Variants in FAM169A observed in about 807,000 individuals in gnomAD.
The protein encoded by FAM169A is soluble lamin-associated protein of 75 kDa.
Under a neutral mutation model 75.7 loss-of-function variants are expected in FAM169A, and 24 were observed. That is an observed-to-expected ratio of 0.32 (90% CI 0.23 to 0.45). The LOEUF (loss-of-function observed/expected upper bound fraction) is 0.45. Ranked by LOEUF, FAM169A falls within the 20% of genes least tolerant of loss-of-function variation. The pLI is 1.00. For synonymous variants in FAM169A, 271 were observed against 271.0 expected (o/e 1.00, Z 0.00); for missense variants, 673 against 784.0 (o/e 0.86, Z 1.69).
At chr5:74,787,766 CTAAT>C (rs575355852) in intron 11 of FAM169A, among the ~76,000 whole-genome samples, 1 of 152,058 alleles carries the variant, frequency 6.6e-6, no homozygotes, top group Non-Finnish European at 1.5e-5. Flanking sequence ...TTTGCACTGG[CTAAT>C]TAATCACAGT....
chr5:74,793,352 A>C (rs1746078237), intron 11 of FAM169A, among the ~76,000 whole-genome samples: 1 of 151,746 alleles, frequency 6.6e-6, no homozygotes, highest in South Asian at 2.1e-4. Context: ...AGTGGTATAT[A>C]TAGACCATGG....
intron 11 of FAM169A, among the ~76,000 whole-genome samples, chr5:74,792,826 T>C (rs916318790): frequency 6.6e-6 from 1 of 152,166 alleles, no homozygotes; most frequent in African/African-American, 2.4e-5. Flanking sequence ...ACAACCACTA[T>C]GGAAAACAGT....
chr5:74,848,338 T>C (rs73120638), intron 1 of FAM169A, among the ~76,000 whole-genome samples: 3,653 of 152,168 alleles, frequency 0.024, 146 homozygotes, highest in African/African-American at 0.084. Context: ...AAGAAACAGT[T>C]TTGGAGTTCA....
intron 10 of FAM169A, among the ~76,000 whole-genome samples, chr5:74,797,732 A>G (rs1746352891): frequency 6.6e-6 from 1 of 152,208 alleles, no homozygotes; most frequent in Non-Finnish European, 1.5e-5. Flanking sequence ...AATACAAAAT[A>G]TTTCCATCAC....
intron 1 of FAM169A, among the ~76,000 whole-genome samples, chr5:74,855,734 G>C (rs899650155): frequency 1.3e-5 from 2 of 152,158 alleles, no homozygotes; most frequent in Non-Finnish European, 2.9e-5. Context: ...CATTCTGTGG[G>C]TTGTCTCTTC....
At chr5:74,814,915 T>C (rs1747391187) in intron 5 of FAM169A, among the ~76,000 whole-genome samples, 1 of 152,214 alleles carries the variant, frequency 6.6e-6, no homozygotes, top group Non-Finnish European at 1.5e-5. Context: ...TCTTTTATTC[T>C]CAGATTATTC....
rs376077490 is a variant in FAM169A, at chr5:74,857,795, T to C, written c.-4+8370A>G. On this transcript the variant is annotated intron_variant, in intron 1 of 12. Coordinates refer to ENST00000687041, the MANE Select transcript of FAM169A (RefSeq NM_001376049.1). Reference sequence around the variant, plus strand: ...AGTCAAAGAATACTGTTAGTTACAGTTGGTATGTTTCCAACTAGAGACAGG... The same window carrying C: ...AGTCAAAGAATACTGTTAGTTACAGCTGGTATGTTTCCAACTAGAGACAGG... Among the ~76,000 whole-genome samples the C allele has an allele frequency of 1.7e-3, 262 of 152,028 alleles. 1 individual carries two copies. The highest frequency in any genetic ancestry group is 0.01 in the Middle Eastern group (3 of 294).
intron 1 of FAM169A, among the ~76,000 whole-genome samples, chr5:74,861,795 C>T (rs1019887601): frequency 6.6e-6 from 1 of 152,178 alleles, no homozygotes; most frequent in African/African-American, 2.4e-5. Context: ...CTTAACACAA[C>T]TCTTCATTGA....
chr5:74,784,510 CAAAA>C (rs200414695), intron 11 of FAM169A, among the ~76,000 whole-genome samples: 2 of 29,868 alleles, frequency 6.7e-5, no homozygotes, highest in Non-Finnish European at 1.1e-4. Flanking sequence ...GACTCCGTCT[CAAAA>C]AAAAAAAAAA....
intron 5 of FAM169A, among the ~76,000 whole-genome samples, chr5:74,814,446 C>T (rs1291431071): frequency 6.6e-6 from 1 of 151,194 alleles, no homozygotes; most frequent in African/African-American, 2.4e-5. Flanking sequence ...GAGGATGTCT[C>T]TGATCTGTAT....
rs1301444845 is a variant in FAM169A at position 74,779,464 on chromosome 5, A to G, written c.*1996T>C. 2.0e-5 allele frequency: 3 copies of G among 152,180 alleles called. No individual in the cohort carries two copies. Among genetic ancestry groups the G allele is most frequent in the African/African-American group, 4.8e-5 (2 of 41,464 alleles). The allele number at this position is 152,180 out of a possible 1,614,324, so 9.4% of individuals were successfully genotyped here. Reference sequence around the variant, plus strand: ...AAACAAATCCAAGTAAAAATAAAATATCTACAAGTGTTTTCAAATCTAAGA... The same window carrying G: ...AAACAAATCCAAGTAAAAATAAAATGTCTACAAGTGTTTTCAAATCTAAGA... On this transcript the variant is annotated 3_prime_UTR_variant, in exon 13 of 13. Coordinates refer to ENST00000687041, the MANE Select transcript of FAM169A (RefSeq NM_001376049.1).
At chr5:74,809,306 A>G (rs1038150538) in intron 6 of FAM169A, among the ~76,000 whole-genome samples, 2 of 152,158 alleles carry the variant, frequency 1.3e-5, no homozygotes, top group Non-Finnish European at 1.5e-5. Context: ...TAAAGAACTC[A>G]TAACTCGGCC....
At chr5:74,822,811 T>C (rs532422640) in intron 5 of FAM169A, among the ~76,000 whole-genome samples, 9 of 152,066 alleles carry the variant, frequency 5.9e-5, no homozygotes, top group Admixed American at 5.2e-4. Flanking sequence ...ATTATCAAAC[T>C]ACTCCTCTTC....
intron 11 of FAM169A, among the ~76,000 whole-genome samples, chr5:74,784,787 C>CG (rs1436022549): frequency 6.6e-6 from 1 of 150,890 alleles, no homozygotes; most frequent in African/African-American, 2.4e-5. Flanking sequence ...GGCGTGGTGG[C>CG]AGGCGCCTGT....
At chr5:74,784,624 A>T (rs1745591609) in intron 11 of FAM169A, among the ~76,000 whole-genome samples, 1 of 150,022 alleles carries the variant, frequency 6.7e-6, no homozygotes, top group East Asian at 1.9e-4. Flanking sequence ...AAAAAAAAAA[A>T]AAAAAAAAAT....
intron 12 of FAM169A, among the ~76,000 whole-genome samples, chr5:74,782,676 AAGCATTTCC>A (rs1745471424): frequency 6.6e-6 from 1 of 152,232 alleles, no homozygotes; most frequent in African/African-American, 2.4e-5. Context: ...CCAATTTTCT[AAGCATTTCC>A]TAACTACAAA....
At chr5:74,800,083 G>C in intron 10 of FAM169A, 1 of 664,928 alleles carries the variant, frequency 1.5e-6, no homozygotes. Context: ...ATTTGAAGCT[G>C]AGTGAGCCTC....
At chr5:74,851,253 T>TTCGTAGTGCAGTC (rs1392856553) in intron 1 of FAM169A, among the ~76,000 whole-genome samples, 6 of 152,334 alleles carry the variant, frequency 3.9e-5, no homozygotes, top group Non-Finnish European at 1.5e-5. Flanking sequence ...AGTAGCTCAC[T>TTCGTAGTGCAGTC]TCGTAGTGCA....
intron 3 of FAM169A, among the ~76,000 whole-genome samples, chr5:74,839,430 A>G (rs1179726273): frequency 1.3e-5 from 2 of 152,068 alleles, no homozygotes; most frequent in African/African-American, 2.4e-5. Context: ...TCTTGCCTGC[A>G]ACCATGTAAG....
Sources: gnomAD v4.1 joint callset for allele counts (sites outside exome capture counted in the v4.1 genomes callset) on GRCh38, gnomAD v4.1.1 for gene constraint, MANE v1.5 for transcripts, NCBI Gene and HGNC (gene_info 2026-07-23, HGNC 2026-07-21) for gene names.